Variants in RGL1 observed in about 807,000 individuals in gnomAD.
The protein encoded by RGL1 is ral guanine nucleotide dissociation stimulator-like 1.
RGL1 carries 24 observed loss-of-function variants against 95.2 expected under a neutral mutation model. That is an observed-to-expected ratio of 0.25 (90% CI 0.18 to 0.35). RGL1 has a LOEUF of 0.35. Ranked by LOEUF, RGL1 falls within the 10% of genes least tolerant of loss-of-function variation. RGL1 has a pLI of 1.00. For missense variants in RGL1, 715 were observed against 936.3 expected (o/e 0.76, Z 3.08); for synonymous variants, 329 against 344.9 (o/e 0.95, Z 0.51).
chr1:183,900,339 A>G, intron 11 of RGL1, 103 bp downstream of exon 11: 2 of 857,978 alleles, frequency 2.3e-6, no homozygotes, highest in East Asian at 5.0e-5. Flanking sequence ...CCAAAAGTAC[A>G]TGGCATTGTG....
At chr1:183,870,921 C>A (rs1242281787) in intron 4 of RGL1, among the ~76,000 whole-genome samples, 1 of 152,178 alleles carries the variant, frequency 6.6e-6, no homozygotes, top group East Asian at 1.9e-4. Context: ...CTGGAGAACT[C>A]GGATCCTGCT....
At chr1:183,642,034 GA>G (rs1181275535) in intron 1 of RGL1, among the ~76,000 whole-genome samples, 1 of 151,296 alleles carries the variant, frequency 6.6e-6, no homozygotes, top group Non-Finnish European at 1.5e-5. Context: ...GCAAAACATT[GA>G]AATCAACTTT....
At chr1:183,767,470 C>T (rs1659038900) in intron 2 of RGL1, among the ~76,000 whole-genome samples, 1 of 152,172 alleles carries the variant, frequency 6.6e-6, no homozygotes, top group Non-Finnish European at 1.5e-5. Flanking sequence ...AATGAATGTT[C>T]TTAAGTCCAC....
At chr1:183,657,214 T>A (rs1171007917) in intron 1 of RGL1, among the ~76,000 whole-genome samples, 1 of 152,200 alleles carries the variant, frequency 6.6e-6, no homozygotes, top group Non-Finnish European at 1.5e-5. Flanking sequence ...TCTTGAGACA[T>A]CTTTCCATTT....
intron 7 of RGL1, 144 bp from the exon 8 acceptor site, chr1:183,888,330 C>G: frequency 1.8e-6 from 1 of 549,016 alleles, no homozygotes. Context: ...GAAGGAGCCA[C>G]TTTTTGATGT....
intron 3 of RGL1, among the ~76,000 whole-genome samples, chr1:183,856,369 G>A (rs1407580474): frequency 1.3e-5 from 2 of 151,298 alleles, no homozygotes; most frequent in Non-Finnish European, 2.9e-5. Flanking sequence ...GTTTCCATTT[G>A]GCTCTGTGGG....
At chr1:183,677,609 C>T (rs1018432430) in intron 1 of RGL1, among the ~76,000 whole-genome samples, 1 of 152,190 alleles carries the variant, frequency 6.6e-6, no homozygotes, top group South Asian at 2.1e-4. Flanking sequence ...GCTGAGGTTA[C>T]CCAATGGGGT....
chr1:183,657,835 T>G (rs917130788), intron 1 of RGL1, among the ~76,000 whole-genome samples: 15 of 151,992 alleles, frequency 9.9e-5, no homozygotes, highest in African/African-American at 2.9e-4. Flanking sequence ...CAAATGGTAT[T>G]TCTAGTTCTA....
chr1:183,831,601 G>A (rs1300226282), intron 2 of RGL1, among the ~76,000 whole-genome samples: 1 of 152,154 alleles, frequency 6.6e-6, no homozygotes, highest in South Asian at 2.1e-4. Flanking sequence ...AGCATTACAT[G>A]CTTTTATTGT....
intron 1 of RGL1, among the ~76,000 whole-genome samples, chr1:183,654,114 C>T (rs1416119246): frequency 6.6e-6 from 1 of 152,196 alleles, no homozygotes; most frequent in Non-Finnish European, 1.5e-5. Flanking sequence ...CTCGAAGCTT[C>T]GCCACGCCTG....
intron 9 of RGL1, among the ~76,000 whole-genome samples, chr1:183,893,385 G>A (rs74133022): frequency 0.017 from 2,569 of 152,198 alleles, 79 homozygotes; most frequent in African/African-American, 0.06. Flanking sequence ...GATTCACTAT[G>A]GTAAAATACT....
intron 2 of RGL1, among the ~76,000 whole-genome samples, chr1:183,786,127 C>A (rs184803383): frequency 7.3e-4 from 111 of 151,190 alleles, no homozygotes; most frequent in African/African-American, 2.6e-3. Context: ...TTTGTCTAGG[C>A]ACAGTGGCTC....
intron 2 of RGL1, among the ~76,000 whole-genome samples, chr1:183,808,761 CTT>C (rs879323418): frequency 1.8e-4 from 26 of 142,916 alleles, no homozygotes; most frequent in South Asian, 2.2e-4. Flanking sequence ...CTCTCTCTCT[CTT>C]TTTTTTTTTT....
intron 4 of RGL1, among the ~76,000 whole-genome samples, chr1:183,879,222 A>G (rs1572543920): frequency 6.6e-6 from 1 of 152,238 alleles, no homozygotes; most frequent in East Asian, 1.9e-4. Flanking sequence ...CTACACCATA[A>G]TGAAAACAGT....
chr1:183,665,619 T>C (rs1259053534), intron 1 of RGL1, among the ~76,000 whole-genome samples: 1 of 152,208 alleles, frequency 6.6e-6, no homozygotes. Context: ...GAAGATTGTG[T>C]CTTTCAAGGA....
chr1:183,687,356 T>G (rs1403582188), intron 1 of RGL1, among the ~76,000 whole-genome samples: 5 of 152,180 alleles, frequency 3.3e-5, no homozygotes, highest in African/African-American at 1.2e-4. Context: ...ATAGAAGAAG[T>G]CTGGTGCTTG....
intron 1 of RGL1, among the ~76,000 whole-genome samples, chr1:183,649,943 C>T (rs1650596311): frequency 6.6e-6 from 1 of 152,088 alleles, no homozygotes; most frequent in South Asian, 2.1e-4. Flanking sequence ...TCCCAAATAG[C>T]TGAGACCACA....
At chr1:183,916,016 A>T (rs1277333225) in intron 15 of RGL1, among the ~76,000 whole-genome samples, 4 of 152,214 alleles carry the variant, frequency 2.6e-5, no homozygotes, top group Non-Finnish European at 5.9e-5. Context: ...AGAAACTTCT[A>T]AAAATACAGA....
chr1:183,796,656 T>C (rs954219752), intron 2 of RGL1, among the ~76,000 whole-genome samples: 8 of 152,168 alleles, frequency 5.3e-5, no homozygotes, highest in African/African-American at 1.7e-4. Context: ...AAGTTCTAGT[T>C]TATCTTGGTT....
Sources: allele counts gnomAD v4.1 joint callset (sites outside exome capture counted in the v4.1 genomes callset), GRCh38; gene constraint gnomAD v4.1.1; transcripts MANE v1.5; gene names NCBI Gene and HGNC (gene_info 2026-07-23, HGNC 2026-07-21).